TEX29: variants seen among roughly 807,000 people sequenced by gnomAD.
The protein encoded by TEX29 is testis expressed 29.
Under a neutral mutation model 18.2 loss-of-function variants are expected in TEX29, and 26 were observed. That is an observed-to-expected ratio of 1.43 (90% confidence interval 1.04 to 1.98). TEX29 has a LOEUF of 1.98. TEX29 is among the 30% of genes most tolerant of loss of function. TEX29 has a pLI of 0.00. For synonymous variants in TEX29, 83 were observed against 78.5 expected (o/e 1.06, Z -0.31); for missense variants, 177 against 194.2 (o/e 0.91, Z 0.53).
intron 2 of TEX29, among the ~76,000 whole-genome samples, chr13:111,321,589 T>G (rs964079847): frequency 5.9e-5 from 9 of 151,806 alleles, no homozygotes; most frequent in Non-Finnish European, 1.2e-4. Flanking sequence ...GATCTTGTGT[T>G]CATGCAATGC....
chr13:111,343,498 G>A (rs928956986), intron 5 of TEX29, among the ~76,000 whole-genome samples: 2 of 152,202 alleles, frequency 1.3e-5, no homozygotes, highest in Admixed American at 6.5e-5. Flanking sequence ...AGAGGTGGAC[G>A]ATCACTCTAT....
chr13:111,320,983 T>TGGGGGGGGGGGGGGGGGGGGGGGGGGG, intron 2 of TEX29, 35 bp downstream of exon 2: 2 of 193,518 alleles, frequency 1.0e-5, no homozygotes, highest in Admixed American at 1.0e-4. Flanking sequence ...GCGGGTGGGG[T>TGGGGGGGGGGGGGGGGGGGGGGGGGGG]GGGGGAGCAG....
chr13:111,321,536 A>G (rs542438176), intron 2 of TEX29, among the ~76,000 whole-genome samples: 3 of 152,168 alleles, frequency 2.0e-5, no homozygotes, highest in South Asian at 2.1e-4. Context: ...GCCACCTTCC[A>G]TGGCTCAGGT....
rs1412639259 is a variant in TEX29 at position 111,328,252 on chromosome 13, G to T, written c.128G>T (p.Cys43Phe). Residue 43 changes from cysteine to phenylalanine, a missense_variant, in exon 3 of 6, where the codon TGC (cysteine) becomes TTC (phenylalanine). Coordinates refer to ENST00000283547, the MANE Select transcript of TEX29 (RefSeq NM_152324.3). ...AGGGACCGATGCCAGGAGCTCGGGT[G>T]CTGCTTCTACGAAGGCGTCTGCTAC... ...VSRDRCQELGCCFYEGVCYKK... is the reference protein window; with the variant it reads ...VSRDRCQELGFCFYEGVCYKK... 5.0e-6 allele frequency: 8 copies of T among 1,613,924 alleles called. No individual in the cohort carries two copies. The highest frequency in any genetic ancestry group is 1.3e-5 in the African/African-American group (1 of 74,936).
At chr13:111,321,041 GGGGGTCCTGGTCCCAGACCTGGCTA>G in intron 2 of TEX29, 93 bp downstream of exon 2, 1 of 1,418,100 alleles carries the variant, frequency 7.1e-7, no homozygotes, top group Non-Finnish European at 9.7e-7. Flanking sequence ...GGCGCGGACA[GGGGGTCCTGGTCCCAGACCTGGCTA>G]GGAGGGCAAG....
At chr13:111,320,988 G>GGGGGGGGGGGGGGGGGGGGGGGGCGT in intron 2 of TEX29, 40 bp downstream of exon 2, 1 of 431,438 alleles carries the variant, frequency 2.3e-6, no homozygotes, top group Non-Finnish European at 4.3e-6. Context: ...TGGGGTGGGG[G>GGGGGGGGGGGGGGGGGGGGGGGGCGT]AGCAGTTGGG....
Position 111,332,031 on chromosome 13 carries a change from T to C in TEX29, c.169+3738T>C, listed in dbSNP as rs143890826. On this transcript the variant is annotated intron_variant, in intron 3 of 5. Coordinates refer to ENST00000283547, the MANE Select transcript of TEX29 (RefSeq NM_152324.3). Reference sequence around the variant, plus strand: ...TTTTTCAAGATTATTTTGGCTGTTATGGGTCCCTTGCATTTCCAGATCAAA... The same window carrying C: ...TTTTTCAAGATTATTTTGGCTGTTACGGGTCCCTTGCATTTCCAGATCAAA... 1.3e-4 allele frequency among the ~76,000 whole-genome samples: 20 copies of C among 152,294 alleles called. No individual in the cohort carries two copies. In the East Asian group the frequency reaches 2.9e-3, roughly 22 times the overall value.
rs2093677175 is a variant in TEX29 at position 111,328,198 on chromosome 13, T to C, written c.74T>C (p.Leu25Pro). The change falls in exon 3 of 6, where the codon CTG becomes CCG. Residue 25 changes from leucine (L) to proline (P), a missense_variant. Coordinates refer to ENST00000283547, the MANE Select transcript of TEX29 (RefSeq NM_152324.3). ...GCTTTTGCAGTGTGTGACGTTCCTC[T>C]GTATGACATTTGTGACTACAACGTC... ...LKQFTVCDVP[L>P]YDICDYNVSR... 1 of 1,613,188 alleles carries C rather than the reference T, an allele frequency of 6.2e-7. No homozygotes were observed. Among genetic ancestry groups the C allele is most frequent in the Admixed American group, 1.7e-5 (1 of 60,020 alleles).
At chr13:111,328,519 A>G (rs184965919) in intron 3 of TEX29, among the ~76,000 whole-genome samples, 156 of 152,260 alleles carry the variant, frequency 1.0e-3, no homozygotes, top group Middle Eastern at 3.4e-3. Context: ...TAGGGGTTCC[A>G]TTCCCAGATG....
At chr13:111,331,000 T>A (rs79890947) in intron 3 of TEX29, among the ~76,000 whole-genome samples, 2,282 of 152,352 alleles carry the variant, frequency 0.015, 58 homozygotes, top group African/African-American at 0.052. Context: ...TAAATGATGC[T>A]GCTCAGAACA....
intron 2 of TEX29, among the ~76,000 whole-genome samples, chr13:111,321,865 A>G (rs1247952491): frequency 6.6e-6 from 1 of 152,246 alleles, no homozygotes. Flanking sequence ...CAGAGATTGC[A>G]GTGAGCTGAG....
intron 2 of TEX29, among the ~76,000 whole-genome samples, chr13:111,324,274 G>A (rs2093669293): frequency 1.3e-5 from 2 of 152,222 alleles, no homozygotes; most frequent in Non-Finnish European, 2.9e-5. Context: ...GGAACCCTCA[G>A]CTGGGACATT....
intron 2 of TEX29, among the ~76,000 whole-genome samples, chr13:111,325,494 C>T (rs1457036924): frequency 6.6e-6 from 1 of 152,238 alleles, no homozygotes; most frequent in African/African-American, 2.4e-5. Flanking sequence ...ATGTGGGAAG[C>T]CCACCTCGGC....
At chr13:111,321,433 G>A (rs80158327) in intron 2 of TEX29, among the ~76,000 whole-genome samples, 5,502 of 152,252 alleles carry the variant, frequency 0.036, 326 homozygotes, top group African/African-American at 0.12. Context: ...TCCCACAGGT[G>A]CCGTTAATGT....
chr13:111,338,585 G>A (rs141959699), intron 3 of TEX29, among the ~76,000 whole-genome samples: 47 of 152,256 alleles, frequency 3.1e-4, no homozygotes, highest in African/African-American at 9.4e-4. Flanking sequence ...ACTGCTTCAC[G>A]ACTTGGAAGC....
chr13:111,343,562 T>TG (rs1351177492), intron 5 of TEX29, among the ~76,000 whole-genome samples: 2 of 152,212 alleles, frequency 1.3e-5, no homozygotes, highest in Non-Finnish European at 2.9e-5. Context: ...TTACCTGCTT[T>TG]GGGGGCCCTT....
chr13:111,318,019 A>G (rs1281455890), upstream of TEX29, among the ~76,000 whole-genome samples: 5 of 152,176 alleles, frequency 3.3e-5, no homozygotes, highest in African/African-American at 9.7e-5. Context: ...CCTCATCCTT[A>G]GGTCCTAGGG....
At chr13:111,339,563 AG>A in intron 3 of TEX29, 1 of 507,014 alleles carries the variant, frequency 2.0e-6, no homozygotes, top group South Asian at 2.0e-5. Flanking sequence ...GTCAGGACCC[AG>A]TGCCGTCTCT....
chr13:111,317,151 A>G (rs2093655909), upstream of TEX29, among the ~76,000 whole-genome samples: 3 of 152,100 alleles, frequency 2.0e-5, no homozygotes, highest in Admixed American at 1.3e-4. Flanking sequence ...TTCGTAAAGA[A>G]AGGTGGCTGG....
Sources: gnomAD v4.1 joint callset for allele counts (sites outside exome capture counted in the v4.1 genomes callset) on GRCh38, gnomAD v4.1.1 for gene constraint, MANE v1.5 for transcripts, NCBI Gene and HGNC (gene_info 2026-07-23, HGNC 2026-07-21) for gene names.